The following TEX14 variants were observed in gnomAD, a reference collection of about 807,000 sequenced individuals.
The protein encoded by TEX14 is inactive serine/threonine-protein kinase TEX14.
In TEX14, 168 loss-of-function variants were observed where a neutral mutation model predicts 178.6. That is an observed-to-expected ratio of 0.94 (90% CI 0.83 to 1.07). TEX14 has a LOEUF of 1.07. TEX14 is among the 50% of genes least tolerant of loss of function. TEX14 has a pLI of 0.00. For synonymous variants in TEX14, 626 were observed against 634.1 expected (o/e 0.99, Z 0.19); for missense variants, 1,730 against 1,753.6 (o/e 0.99, Z 0.24).
At chr17:58,623,738 A>C (rs1037252587) in intron 3 of TEX14, among the ~76,000 whole-genome samples, 1 of 149,032 alleles carries the variant, frequency 6.7e-6, no homozygotes, top group Admixed American at 6.7e-5. Flanking sequence ...GGAGGAAGGG[A>C]AAAAAAAGAA....
intron 1 of TEX14, among the ~76,000 whole-genome samples, chr17:58,676,706 G>C (rs1769818051): frequency 6.6e-6 from 1 of 152,124 alleles, no homozygotes; most frequent in African/African-American, 2.4e-5. Flanking sequence ...TCCTTTAGGG[G>C]CCAGGTATGG....
chr17:58,678,728 AC>A (rs1400339798), intron 1 of TEX14, among the ~76,000 whole-genome samples: 2 of 151,814 alleles, frequency 1.3e-5, no homozygotes, highest in African/African-American at 4.8e-5. Context: ...AATGTAAATG[AC>A]GAGTTAATGG....
chr17:58,585,817 C>T lies in TEX14; in HGVS notation c.3054G>A (p.Arg1018=). The T allele has an allele frequency of 6.2e-7, 1 of 1,613,990 alleles. No individual in the cohort carries two copies. Among genetic ancestry groups the T allele is most frequent in the Non-Finnish European group, 8.5e-7 (1 of 1,179,992 alleles). Residue 1018 remains arginine, a synonymous_variant, in exon 18 of 32, where the codon AGG becomes AGA. Coordinates refer to ENST00000349033, the MANE Select transcript of TEX14 (RefSeq NM_031272.5). ...CDSDQHGRQP[R]LGSFTSIRHP... is the part of the protein sequence containing the mutation. ...TGAACTTACTGGTGAAGCTTCCAAG[C>T]CTGGGCTGTCTGCCATGCTGGTCAC...
intron 2 of TEX14, among the ~76,000 whole-genome samples, chr17:58,646,994 C>T (rs1239148509): frequency 6.6e-6 from 1 of 151,836 alleles, no homozygotes; most frequent in Non-Finnish European, 1.5e-5. Context: ...CATCCTCCAC[C>T]TCCAGAGTTC....
chr17:58,688,640 G>A (rs2047640794), intron 1 of TEX14, among the ~76,000 whole-genome samples: 1 of 152,136 alleles, frequency 6.6e-6, no homozygotes, highest in Admixed American at 6.6e-5. Flanking sequence ...TTGCAGGTGA[G>A]GAGACTGAGT....
At position 58,631,199 on chromosome 17, in the gene TEX14, C is replaced by A. The variant is rs1005419080; in HGVS notation, c.137-645G>T. On this transcript the variant is annotated intron_variant, in intron 2 of 31. Coordinates refer to ENST00000349033, the MANE Select transcript of TEX14 (RefSeq NM_031272.5). The stretch of plus-strand genomic sequence containing the variant: ...ACAAGCCTGGAGGCGCAGTGGCTCA[C>A]GCCTGTAATGCCAGCTCTTTGGGAA... The A allele has an allele frequency of 6.4e-5, 61 of 957,432 alleles. No individual in the cohort carries two copies. The Admixed American group carries it at 1.0e-3, about 16-fold the overall frequency. The allele number at this position is 957,432 out of a possible 1,614,324, so 59.3% of individuals were successfully genotyped here.
At chr17:58,560,792 C>T (rs1598338037) in intron 29 of TEX14, among the ~76,000 whole-genome samples, 2 of 152,316 alleles carry the variant, frequency 1.3e-5, no homozygotes, top group Non-Finnish European at 2.9e-5. Context: ...GAATGGAGCC[C>T]CACATGTGTC....
At chr17:58,598,629 G>C (rs1360238256) in intron 14 of TEX14, among the ~76,000 whole-genome samples, 1 of 152,164 alleles carries the variant, frequency 6.6e-6, no homozygotes, top group Non-Finnish European at 1.5e-5. Context: ...ATTTCCCAAA[G>C]CTAAGAGCAC....
At chr17:58,560,396 G>C (rs573932472) in intron 29 of TEX14, among the ~76,000 whole-genome samples, 1 of 152,166 alleles carries the variant, frequency 6.6e-6, no homozygotes, top group African/African-American at 2.4e-5. Context: ...TTCCGCCCCC[G>C]TTCAAATGCC....
intron 5 of TEX14, among the ~76,000 whole-genome samples, chr17:58,618,334 A>G (rs1031642318): frequency 6.6e-6 from 1 of 152,236 alleles, no homozygotes; most frequent in Non-Finnish European, 1.5e-5. Context: ...AAAAAAATGA[A>G]GCCCAGGAAA....
chr17:58,582,970 CTTT>C (rs34304842), intron 19 of TEX14, among the ~76,000 whole-genome samples: 3 of 134,654 alleles, frequency 2.2e-5, no homozygotes, highest in Non-Finnish European at 3.2e-5. Flanking sequence ...TCACTTCAGT[CTTT>C]TTTTTTTTTT....
At chr17:58,587,092 A>C (rs2044995644) in intron 17 of TEX14, among the ~76,000 whole-genome samples, 1 of 152,158 alleles carries the variant, frequency 6.6e-6, no homozygotes, top group South Asian at 2.1e-4. Context: ...CATTTATTTC[A>C]ATGTTTAATA....
chr17:58,648,444 G>A (rs1044124701), intron 2 of TEX14, among the ~76,000 whole-genome samples: 1 of 152,096 alleles, frequency 6.6e-6, no homozygotes, highest in Non-Finnish European at 1.5e-5. Context: ...ACTAATTACT[G>A]CTAGCCTCCT....
In TEX14 at chr17:58,598,823, C is replaced by T. The variant is rs146947403; in HGVS notation, c.2469+53G>A. 7.0e-3 allele frequency: 10,296 copies of T among 1,475,402 alleles called. 55 individuals carry two copies. The highest frequency in any genetic ancestry group is 0.013 in the South Asian group (980 of 76,130). 91.4% of individuals were successfully genotyped at this position (1,475,402 alleles called of 1,614,324 possible). On this transcript the variant is annotated intron_variant, in intron 14 of 31. Coordinates refer to ENST00000349033, the MANE Select transcript of TEX14 (RefSeq NM_031272.5). Reference sequence around the variant, plus strand: ...TTGGGTGAAAGGTTTCCAGCCACAACCATTTCTTTTCCTGGATCTTTTGCC... The same window carrying T: ...TTGGGTGAAAGGTTTCCAGCCACAATCATTTCTTTTCCTGGATCTTTTGCC...
chr17:58,651,863 T>C lies in TEX14; in HGVS notation c.136+3A>G. 5 of 1,604,444 alleles carry C rather than the reference T, an allele frequency of 3.1e-6. No homozygotes were observed. Among genetic ancestry groups the C allele is most frequent in the African/African-American group, 1.3e-5 (1 of 74,556 alleles). Reference sequence around the variant, plus strand: ...GCATCTGCCATCTCAACATGGTGCTTACCTTTCTTAAGAATTTTCTTCACT... The same window carrying C: ...GCATCTGCCATCTCAACATGGTGCTCACCTTTCTTAAGAATTTTCTTCACT... On this transcript the variant is annotated splice_donor_region_variant and intron_variant, in intron 2 of 31. Transcript: ENST00000349033.
intron 3 of TEX14, among the ~76,000 whole-genome samples, chr17:58,629,138 G>C (rs756308160): frequency 1.1e-4 from 17 of 152,100 alleles, no homozygotes; most frequent in Non-Finnish European, 2.4e-4. Flanking sequence ...ATTTGAGAAG[G>C]CCCTAGCAAA....
intron 31 of TEX14, 45 bp downstream of exon 31, chr17:58,557,754 C>A: frequency 6.6e-7 from 1 of 1,507,342 alleles, no homozygotes; most frequent in South Asian, 1.2e-5. Flanking sequence ...CTTCTGTTGT[C>A]TATAAACATG....
chr17:58,633,084 A>G (rs779003174), intron 2 of TEX14, among the ~76,000 whole-genome samples: 10 of 152,080 alleles, frequency 6.6e-5, no homozygotes, highest in Non-Finnish European at 8.8e-5. Flanking sequence ...CACTCCAGCC[A>G]CACTCTGGCC....
At chr17:58,680,220 T>C (rs2047477980) in intron 1 of TEX14, among the ~76,000 whole-genome samples, 1 of 152,120 alleles carries the variant, frequency 6.6e-6, no homozygotes, top group Admixed American at 6.6e-5. Flanking sequence ...ACGGCTTTCT[T>C]GCGCAGTTAA....
Sources: gnomAD v4.1 joint callset for allele counts (sites outside exome capture counted in the v4.1 genomes callset) on GRCh38, gnomAD v4.1.1 for gene constraint, MANE v1.5 for transcripts, NCBI Gene and HGNC (gene_info 2026-07-23, HGNC 2026-07-21) for gene names.